Variants in CEP152 observed in about 807,000 individuals in gnomAD.
The protein encoded by CEP152 is centrosomal protein of 152 kDa.
Under a neutral mutation model 188.9 loss-of-function variants are expected in CEP152, and 132 were observed. The ratio of observed to expected loss-of-function variants is 0.70; its 90% confidence interval spans 0.61 to 0.81. The LOEUF is 0.81. CEP152 is among the 30% of genes least tolerant of loss of function. CEP152 has a pLI of 0.00. For synonymous variants in CEP152, 649 were observed against 666.6 expected (o/e 0.97, Z 0.41); for missense variants, 1,914 against 1,969.8 (o/e 0.97, Z 0.54).
downstream of CEP152, among the ~76,000 whole-genome samples, chr15:48,736,066 C>T (rs985475890): frequency 2.0e-5 from 3 of 152,000 alleles, no homozygotes; most frequent in African/African-American, 7.2e-5. Flanking sequence ...CCTCAAAAAC[C>T]AAAAACTACC....
At position 48,754,597 on chromosome 15, in the gene CEP152, G is replaced by T. The variant is rs142702398; in HGVS notation, c.3345+1306C>A. Among the ~76,000 whole-genome samples the T allele has an allele frequency of 1.8e-3, 275 of 152,148 alleles. 2 individuals are homozygous for T. Among genetic ancestry groups the T allele is most frequent in the African/African-American group, 6.3e-3 (262 of 41,494 alleles). Reference sequence around the variant, plus strand: ...TTGCCCAGTAAATTTTACATTGAAGGCAACTACTCGGTAGCAACATCTTTG... The same window carrying T: ...TTGCCCAGTAAATTTTACATTGAAGTCAACTACTCGGTAGCAACATCTTTG... On this transcript the variant is annotated intron_variant, in intron 20 of 26. Transcript: ENST00000380950.
chr15:48,738,766 T>C lies in CEP152; in HGVS notation c.4616A>G (p.Asn1539Ser), dbSNP rs200366079. The C allele has an allele frequency of 7.9e-5, 127 of 1,614,220 alleles. 1 individual carries two copies. In the Middle Eastern group the frequency reaches 1.8e-3, roughly 23 times the overall value. Reference sequence around the variant, plus strand: ...AGCATTTTCACTTTCCATTAGTGGATTGCATTTATATACTTTTAAACCAAG... The same window carrying C: ...AGCATTTTCACTTTCCATTAGTGGACTGCATTTATATACTTTTAAACCAAG... ...ERLGLKVYKC[N>S]PLMESENAAS... Residue 1539 changes from asparagine (N) to serine (S), a missense_variant, in exon 27 of 27, where the codon AAT becomes AGT. Asn to Ser is a conservative substitution (Grantham distance 46). Coordinates refer to ENST00000380950, the MANE Select transcript of CEP152 (RefSeq NM_001194998.2).
At chr15:48,781,127 A>G in intron 12 of CEP152, 69 bp downstream of exon 12, 1 of 1,355,634 alleles carries the variant, frequency 7.4e-7, no homozygotes, top group Non-Finnish European at 1.1e-6. Flanking sequence ...ACCTTAAAAC[A>G]GATACCATGC....
At chr15:48,764,770 G>A (rs1595633132) in intron 17 of CEP152, among the ~76,000 whole-genome samples, 1 of 152,086 alleles carries the variant, frequency 6.6e-6, no homozygotes, top group Non-Finnish European at 1.5e-5. Context: ...CCTGCAACCT[G>A]ACTCAGCAAG....
chr15:48,756,439 C>G lies in CEP152; in HGVS notation c.2809G>C (p.Glu937Gln), dbSNP rs765164028. Residue 937 changes from glutamate (E) to glutamine (Q), a missense_variant, in exon 20 of 27, where the codon GAA (glutamate) becomes CAA (glutamine). Physicochemically the swap from Glu to Gln is conservative, Grantham distance 29 (BLOSUM62 2). Coordinates refer to ENST00000380950, the MANE Select transcript of CEP152 (RefSeq NM_001194998.2). ...LEEKIHSLQK[E>Q]LELKNEEVPV... Reference sequence around the variant, plus strand: ...ACTTCTTCGTTCTTTAACTCAAGTTCCTTCTGAAGAGAATGAATCTTCTCT... The same window carrying G: ...ACTTCTTCGTTCTTTAACTCAAGTTGCTTCTGAAGAGAATGAATCTTCTCT... 1 of 1,613,766 alleles carries G rather than the reference C, an allele frequency of 6.2e-7. No homozygotes were observed.
intron 2 of CEP152, among the ~76,000 whole-genome samples, chr15:48,730,172 A>C (rs1202490798): frequency 2.0e-5 from 3 of 152,206 alleles, no homozygotes; most frequent in Non-Finnish European, 4.4e-5. Flanking sequence ...CCCCAGCTTG[A>C]TCAGTGAGGT....
chr15:48,761,171 C>T (rs908568287), intron 18 of CEP152, among the ~76,000 whole-genome samples: 4 of 152,094 alleles, frequency 2.6e-5, no homozygotes, highest in Non-Finnish European at 4.4e-5. Context: ...GTCTGTGGAA[C>T]GTTTTCTTAA....
intron 20 of CEP152, among the ~76,000 whole-genome samples, chr15:48,755,170 C>T (rs1451677869): frequency 2.6e-5 from 4 of 152,120 alleles, no homozygotes; most frequent in Non-Finnish European, 5.9e-5. Context: ...AAATTAAAAG[C>T]TGGTCTCAGA....
At chr15:48,800,251 T>C (rs1897593162) in intron 2 of CEP152, among the ~76,000 whole-genome samples, 1 of 152,192 alleles carries the variant, frequency 6.6e-6, no homozygotes, top group Admixed American at 6.5e-5. Context: ...TGCAAGATAT[T>C]TTACATATAT....
At position 48,772,780 on chromosome 15, in the gene CEP152, A is replaced by T. The variant is rs559879799; in HGVS notation, c.1578-89T>A. 4 of 1,092,908 alleles carry T rather than the reference A, an allele frequency of 3.7e-6. No individual in the cohort carries two copies. In the South Asian group the frequency reaches 5.1e-5, roughly 14 times the overall value. 67.7% of individuals were successfully genotyped at this position (1,092,908 alleles called of 1,614,324 possible). On this transcript the variant is annotated intron_variant, in intron 12 of 26. Coordinates refer to ENST00000380950, the MANE Select transcript of CEP152 (RefSeq NM_001194998.2). ...AAAAGCACTGACCACAGTGGTGAAC[A>T]TGTTTTGTCACCTATACAATTATAT...
chr15:48,748,808 A>G (rs1001554333), intron 21 of CEP152, among the ~76,000 whole-genome samples, 198 bp from the exon 22 acceptor site: 1 of 151,898 alleles, frequency 6.6e-6, no homozygotes, highest in African/African-American at 2.4e-5. Context: ...TGTGACTTGG[A>G]GCATATTAAT....
At chr15:48,802,745 T>C (rs1897754060) in intron 2 of CEP152, among the ~76,000 whole-genome samples, 1 of 152,208 alleles carries the variant, frequency 6.6e-6, no homozygotes, top group African/African-American at 2.4e-5. Context: ...TTTTTCTGAA[T>C]GTTAAAGGCA....
intron 2 of CEP152, among the ~76,000 whole-genome samples, chr15:48,801,543 C>T (rs1234257295): frequency 1.3e-5 from 2 of 152,226 alleles, no homozygotes; most frequent in Non-Finnish European, 2.9e-5. Flanking sequence ...AATGATCCAT[C>T]ATCAGCAAAT....
intron 15 of CEP152, among the ~76,000 whole-genome samples, chr15:48,767,900 T>C (rs1895239370): frequency 6.6e-6 from 1 of 152,206 alleles, no homozygotes; most frequent in African/African-American, 2.4e-5. Flanking sequence ...TTGGAAGACA[T>C]ATTCCCTCTC....
chr15:48,743,271 CT>C (rs1293091671), intron 24 of CEP152, among the ~76,000 whole-genome samples: 2 of 152,180 alleles, frequency 1.3e-5, no homozygotes, highest in African/African-American at 4.8e-5. Context: ...ATATTTGAAA[CT>C]TCAGACTTTT....
chr15:48,793,132 C>T (rs1188175161), intron 7 of CEP152, among the ~76,000 whole-genome samples, 189 bp downstream of exon 7: 2 of 152,144 alleles, frequency 1.3e-5, no homozygotes, highest in South Asian at 2.1e-4. Flanking sequence ...TCCAAAACAG[C>T]GTGTTCCAAA....
rs762089839 is a variant in CEP152 at position 48,756,061 on chromosome 15, T to C, written c.3187A>G (p.Ser1063Gly). 2 of 1,614,140 alleles carry C rather than the reference T, an allele frequency of 1.2e-6. No homozygotes were observed. The highest frequency in any genetic ancestry group is 2.2e-5 in the South Asian group (2 of 91,082). Residue 1063 changes from serine (S) to glycine (G), a missense_variant, in exon 20 of 27, where the codon AGT becomes GGT. Transcript: ENST00000380950. ...AAAAGCTGCTTGTCCTCAGAATCACTGATGTGCTCCTTTTGGGTATCACTT... is the reference window on the plus strand; with the variant it reads ...AAAAGCTGCTTGTCCTCAGAATCACCGATGTGCTCCTTTTGGGTATCACTT... The part of the protein sequence containing the change: ...LLSDTQKEHI[S>G]DSEDKQLLEI...
In CEP152 at chr15:48,745,154, G is replaced by A. The variant is rs909851328; in HGVS notation, c.3635-162C>T. 1.3e-5 allele frequency among the ~76,000 whole-genome samples: 2 copies of A among 151,832 alleles called. 1 individual carries two copies. The highest frequency in any genetic ancestry group is 2.9e-5 in the Non-Finnish European group (2 of 67,994). On this transcript the variant is annotated intron_variant, in intron 22 of 26. Transcript: ENST00000380950. ...GAAACCCTACTCAGACCATTCCCTT[G>A]CTCTGTTTTCTCAGCACTTAAAATC...
intron 2 of CEP152, among the ~76,000 whole-genome samples, chr15:48,798,981 T>C (rs1401668283): frequency 6.6e-6 from 1 of 152,170 alleles, no homozygotes; most frequent in East Asian, 1.9e-4. Context: ...AATTAGAAGA[T>C]CAAATATTAT....
Sources: gnomAD v4.1 joint callset for allele counts (sites outside exome capture counted in the v4.1 genomes callset) on GRCh38, gnomAD v4.1.1 for gene constraint, MANE v1.5 for transcripts, NCBI Gene and HGNC (gene_info 2026-07-23, HGNC 2026-07-21) for gene names.